POLR3B: variants seen among roughly 807,000 people sequenced by gnomAD.
The protein encoded by POLR3B is RNA polymerase III subunit B, also known as DNA-directed RNA polymerase III subunit RPC2.
In POLR3B, 96 loss-of-function variants were observed where a neutral mutation model predicts 147.4. The ratio of observed to expected loss-of-function variants is 0.65; its 90% CI spans 0.55 to 0.77. POLR3B has a LOEUF of 0.77. Ranked by LOEUF, POLR3B falls within the 30% of genes least tolerant of loss-of-function variation. The probability of loss-of-function intolerance (pLI) is 0.00; values close to 1 mark genes in which losing one functional copy is unlikely to be tolerated. For synonymous variants in POLR3B, 461 were observed against 485.9 expected (o/e 0.95, Z 0.67); for missense variants, 1,036 against 1,413.5 (o/e 0.73, Z 4.28).
In POLR3B at chr12:106,423,883, G is replaced by C. The variant is rs183074139; in HGVS notation, c.1102-3314G>C. Among the ~76,000 whole-genome samples, 427 of 150,060 alleles carry C rather than the reference G, an allele frequency of 2.8e-3. 4 individuals are homozygous for C. The highest frequency in any genetic ancestry group is 9.9e-3 in the African/African-American group (402 of 40,710). ...TTTTTTTTTTTTCCTCGGGACAAGA[G>C]TCTTGCTCTGTTGCCCAGGCTAGAG... On this transcript the variant is annotated intron_variant, in intron 12 of 27. Coordinates refer to ENST00000228347, the MANE Select transcript of POLR3B (RefSeq NM_018082.6).
At chr12:106,506,060 G>A (rs947468527) in intron 27 of POLR3B, among the ~76,000 whole-genome samples, 1 of 152,164 alleles carries the variant, frequency 6.6e-6, no homozygotes, top group African/African-American at 2.4e-5. Flanking sequence ...AGGTTGCAGA[G>A]GTGACATGAT....
intron 6 of POLR3B, among the ~76,000 whole-genome samples, chr12:106,372,333 GT>G (rs61642813): frequency 0.86 from 108,202 of 126,050 alleles, 46,031 homozygotes; most frequent in African/African-American, 0.93. Flanking sequence ...GTGTGTGTGT[GT>G]TTTTTTTTTT....
intron 11 of POLR3B, among the ~76,000 whole-genome samples, chr12:106,406,942 G>A (rs2037159238): frequency 6.6e-6 from 1 of 152,116 alleles, no homozygotes; most frequent in Non-Finnish European, 1.5e-5. Context: ...ACCTTCAGGG[G>A]CTGACTGTAA....
At chr12:106,395,558 A>G (rs967008377) in intron 10 of POLR3B, among the ~76,000 whole-genome samples, 7 of 152,230 alleles carry the variant, frequency 4.6e-5, no homozygotes, top group Non-Finnish European at 1.0e-4. Flanking sequence ...CCCACCTCCA[A>G]CAATGGGCAC....
chr12:106,375,842 C>T (rs2036670050), intron 6 of POLR3B, among the ~76,000 whole-genome samples: 1 of 152,096 alleles, frequency 6.6e-6, no homozygotes, highest in South Asian at 2.1e-4. Flanking sequence ...TTAAACCAAA[C>T]ATTTGAGTTT....
intron 20 of POLR3B, among the ~76,000 whole-genome samples, chr12:106,455,536 T>C (rs1330803457): frequency 2.6e-5 from 4 of 152,244 alleles, no homozygotes; most frequent in South Asian, 2.1e-4. Flanking sequence ...TCTGAAGACT[T>C]TGTGATGTCT....
chr12:106,425,508 A>G (rs1247102826), intron 12 of POLR3B, among the ~76,000 whole-genome samples: 4 of 152,190 alleles, frequency 2.6e-5, no homozygotes, highest in African/African-American at 4.8e-5. Context: ...GGACTTTGCC[A>G]GGCAGGAGGG....
chr12:106,438,250 G>T (rs2137010094), intron 18 of POLR3B, among the ~76,000 whole-genome samples: 1 of 152,020 alleles, frequency 6.6e-6, no homozygotes, highest in South Asian at 2.1e-4. Context: ...AGTATTTCAT[G>T]GTATATATGT....
chr12:106,481,563 G>A (rs12226958), intron 23 of POLR3B, among the ~76,000 whole-genome samples: 8,975 of 152,214 alleles, frequency 0.059, 359 homozygotes, highest in East Asian at 0.14. Flanking sequence ...TCATCTGCAG[G>A]GACTTAGTAT....
intron 23 of POLR3B, among the ~76,000 whole-genome samples, chr12:106,467,269 A>G (rs960672132): frequency 6.6e-6 from 1 of 152,176 alleles, no homozygotes; most frequent in African/African-American, 2.4e-5. Flanking sequence ...TTATTGGTGT[A>G]TAGGAATGCT....
At chr12:106,448,732 A>ATG (rs2137021798) in intron 19 of POLR3B, among the ~76,000 whole-genome samples, 1 of 151,548 alleles carries the variant, frequency 6.6e-6, no homozygotes, top group African/African-American at 2.4e-5. Context: ...GAGCCACTGC[A>ATG]CCCAGCCCAT....
intron 1 of POLR3B, among the ~76,000 whole-genome samples, chr12:106,360,628 G>A (rs891296534): frequency 1.3e-5 from 2 of 152,196 alleles, no homozygotes; most frequent in African/African-American, 4.8e-5. Flanking sequence ...TACTTGAACT[G>A]GCCATGCCTG....
chr12:106,358,634 A>G (rs2036423539), intron 1 of POLR3B, among the ~76,000 whole-genome samples: 1 of 152,210 alleles, frequency 6.6e-6, no homozygotes, highest in Non-Finnish European at 1.5e-5. Flanking sequence ...GACGTGGAAT[A>G]GGGAAGTGGA....
chr12:106,435,855 T>C (rs1023702152), intron 16 of POLR3B, among the ~76,000 whole-genome samples: 1 of 152,196 alleles, frequency 6.6e-6, no homozygotes, highest in Non-Finnish European at 1.5e-5. Flanking sequence ...AAAACTCTTT[T>C]ATAGAAGCAA....
chr12:106,469,389 T>A (rs1024297348), intron 23 of POLR3B, among the ~76,000 whole-genome samples: 2 of 152,038 alleles, frequency 1.3e-5, no homozygotes, highest in Non-Finnish European at 2.9e-5. Context: ...CTGATGGGTC[T>A]TGACTCTTTA....
chr12:106,462,039 C>G (rs2037944417), intron 22 of POLR3B, among the ~76,000 whole-genome samples: 1 of 152,222 alleles, frequency 6.6e-6, no homozygotes, highest in Non-Finnish European at 1.5e-5. Flanking sequence ...CAGCAGCCAG[C>G]CAGTCACCAG....
intron 8 of POLR3B, among the ~76,000 whole-genome samples, chr12:106,379,201 G>A (rs2036725283): frequency 6.6e-6 from 1 of 152,180 alleles, no homozygotes; most frequent in South Asian, 2.1e-4. Flanking sequence ...AAGCTCAGGG[G>A]TACCTTGACT....
chr12:106,496,754 G>C lies in POLR3B; in HGVS notation c.2820G>C (p.Val940=). Residue 940 remains valine, a splice_region_variant and synonymous_variant, in exon 25 of 28, where the codon GTG becomes GTC. Coordinates refer to ENST00000228347, the MANE Select transcript of POLR3B (RefSeq NM_018082.6). The part of the protein sequence containing the change: ...NPHGFPSRMT[V]GKLIELLAGK... Reference sequence around the variant, plus strand: ...CTTAATTTGTTCACATCCTGCAGGTGGGGAAGCTCATTGAGCTGCTGGCTG... The same window carrying C: ...CTTAATTTGTTCACATCCTGCAGGTCGGGAAGCTCATTGAGCTGCTGGCTG... 6.2e-7 allele frequency: 1 copy of C among 1,613,984 alleles called. No individual in the cohort carries two copies. The highest frequency in any genetic ancestry group is 8.5e-7 in the Non-Finnish European group (1 of 1,179,902).
intron 10 of POLR3B, among the ~76,000 whole-genome samples, chr12:106,404,339 C>T (rs369684043): frequency 3.3e-5 from 5 of 152,056 alleles, no homozygotes; most frequent in Admixed American, 1.3e-4. Flanking sequence ...GTGATCTGCC[C>T]GCCTCGGCCT....
Sources: gnomAD v4.1 joint callset for allele counts (sites outside exome capture counted in the v4.1 genomes callset) on GRCh38, gnomAD v4.1.1 for gene constraint, MANE v1.5 for transcripts, NCBI Gene and HGNC (gene_info 2026-07-23, HGNC 2026-07-21) for gene names.